Variants in GLYAT observed in about 807,000 individuals in gnomAD.
GLYAT encodes the protein glycine-N-acyltransferase, also known as glycine N-acyltransferase.
A neutral mutation model predicts 22.8 loss-of-function variants in GLYAT; 25 were observed. The ratio of observed to expected loss-of-function variants is 1.09; its 90% CI spans 0.80 to 1.53. The LOEUF (loss-of-function observed/expected upper bound fraction) is 1.53, where lower values mean the gene tolerates loss of function less well. Among genes scored for constraint, GLYAT ranks in the 40% most tolerant of loss-of-function variants. The probability of loss-of-function intolerance (pLI) is 0.00; values close to 1 mark genes in which losing one functional copy is unlikely to be tolerated. For missense variants in GLYAT, 411 were observed against 353.9 expected (o/e 1.16, Z -1.29); for synonymous variants, 140 against 122.7 (o/e 1.14, Z -0.93).
At chr11:58,713,597 C>A (rs1856643201) in intron 3 of GLYAT, among the ~76,000 whole-genome samples, 1 of 152,084 alleles carries the variant, frequency 6.6e-6, no homozygotes, top group South Asian at 2.1e-4. Context: ...GTTGGTTAAA[C>A]CAGTTGCAGT....
At position 58,710,726 on chromosome 11, in the gene GLYAT, G is replaced by A. The variant is rs780192904; in HGVS notation, c.352C>T (p.Leu118Phe). The A allele has an allele frequency of 1.2e-6, 2 of 1,612,048 alleles. No individual in the cohort carries two copies. Among genetic ancestry groups the A allele is most frequent in the Non-Finnish European group, 1.7e-6 (2 of 1,178,158 alleles). ...ACTTTGAAGGACTTAATGGCTGCAAGATTTTGTATAGCCTCATTCAGGCTA... is the reference window on the plus strand; with the variant it reads ...ACTTTGAAGGACTTAATGGCTGCAAAATTTTGTATAGCCTCATTCAGGCTA... The part of the protein sequence containing the change: ...QPSLNEAIQN[L>F]AAIKSFKVKQ... Residue 118 changes from leucine (L) to phenylalanine (F), a missense_variant, in exon 5 of 6, where the codon CTT becomes TTT. Coordinates refer to ENST00000344743, the MANE Select transcript of GLYAT (RefSeq NM_201648.3).
At chr11:58,714,157 T>C (rs1406870933) in intron 3 of GLYAT, among the ~76,000 whole-genome samples, 1 of 151,914 alleles carries the variant, frequency 6.6e-6, no homozygotes, top group South Asian at 2.1e-4. Context: ...GCAGGTAAGG[T>C]GGGGGAAAGT....
At chr11:58,726,124 A>T (rs1856809450) in intron 1 of GLYAT, among the ~76,000 whole-genome samples, 1 of 151,714 alleles carries the variant, frequency 6.6e-6, no homozygotes, top group Non-Finnish European at 1.5e-5. Flanking sequence ...GTGACCAATT[A>T]TTATTTTAGA....
intron 2 of GLYAT, among the ~76,000 whole-genome samples, chr11:58,718,242 T>A (rs1217802062): frequency 6.6e-6 from 1 of 152,076 alleles, no homozygotes; most frequent in Non-Finnish European, 1.5e-5. Flanking sequence ...TTAAGAATAC[T>A]CACAATTTCC....
chr11:58,719,884 T>G (rs1486944437), intron 2 of GLYAT, among the ~76,000 whole-genome samples: 1 of 152,036 alleles, frequency 6.6e-6, no homozygotes, highest in African/African-American at 2.4e-5. Flanking sequence ...CATATAAACT[T>G]TTTAAATATA....
At chr11:58,713,545 G>A (rs1856642312) in intron 3 of GLYAT, among the ~76,000 whole-genome samples, 1 of 152,072 alleles carries the variant, frequency 6.6e-6, no homozygotes, top group Non-Finnish European at 1.5e-5. Context: ...TGATACCAAA[G>A]AAGATTAAAA....
At position 58,724,244 on chromosome 11, in the gene GLYAT, G is replaced by A. The variant is rs1856787033; in HGVS notation, c.81+172C>T. 1.0e-5 allele frequency: 5 copies of A among 483,486 alleles called. No individual in the cohort carries two copies. The South Asian group carries it at 1.2e-4, about 12-fold the overall frequency. 29.9% of individuals were successfully genotyped at this position (483,486 alleles called of 1,614,324 possible). A position where few individuals can be genotyped will look rare whatever the true frequency, so the allele number is the denominator to read the frequency against. On this transcript the variant is annotated intron_variant, in intron 2 of 5. Coordinates refer to ENST00000344743, the MANE Select transcript of GLYAT (RefSeq NM_201648.3). ...TAACTGAGTCTTCATTTTCTTAACA[G>A]CAACATGGACATGACAGTAAACATC...
Position 58,715,305 on chromosome 11 carries a change from T to A in GLYAT, c.189+11A>T. ...ATAAATATAGAAGAATATTCACACA[T>A]GGAAACTTACCTGCTCCTGAGGGCA... is the stretch of plus-strand genomic sequence containing the variant. On this transcript the variant is annotated intron_variant, in intron 3 of 5. Coordinates refer to ENST00000344743, the MANE Select transcript of GLYAT (RefSeq NM_201648.3). 8.1e-7 allele frequency: 1 copy of A among 1,233,220 alleles called. No individual in the cohort carries two copies. Among genetic ancestry groups the A allele is most frequent in the Non-Finnish European group, 1.2e-6 (1 of 834,894 alleles). 76.4% of individuals were successfully genotyped at this position (1,233,220 alleles called of 1,614,324 possible).
intron 2 of GLYAT, among the ~76,000 whole-genome samples, chr11:58,719,562 A>G (rs957120758): frequency 6.6e-6 from 1 of 151,848 alleles, no homozygotes; most frequent in African/African-American, 2.4e-5. Flanking sequence ...TACATGCCCA[A>G]CTCCTCCATG....
intron 2 of GLYAT, among the ~76,000 whole-genome samples, chr11:58,721,883 T>C (rs1181052467): frequency 6.6e-6 from 1 of 151,948 alleles, no homozygotes; most frequent in Non-Finnish European, 1.5e-5. Flanking sequence ...TCCTTTCAAT[T>C]TGTCCAAGAA....
At position 58,709,491 on chromosome 11, in the gene GLYAT, T is replaced by A; in HGVS notation, c.*275A>T. On this transcript the variant is annotated 3_prime_UTR_variant, in exon 6 of 6. Transcript: ENST00000344743. Reference sequence around the variant, plus strand: ...TTCCAGGAGAAGTAATTTGGAGCAATATGTATCTGATGAAGTGTCATAGAG... The same window carrying A: ...TTCCAGGAGAAGTAATTTGGAGCAAAATGTATCTGATGAAGTGTCATAGAG... The A allele has an allele frequency of 3.3e-6, 1 of 302,036 alleles. No homozygotes were observed. Among genetic ancestry groups the A allele is most frequent in the South Asian group, 1.1e-4 (1 of 9,052 alleles). 18.7% of individuals were successfully genotyped at this position (302,036 alleles called of 1,614,324 possible).
intron 2 of GLYAT, among the ~76,000 whole-genome samples, chr11:58,719,081 AG>A (rs1369477608): frequency 6.6e-6 from 1 of 152,034 alleles, no homozygotes; most frequent in Non-Finnish European, 1.5e-5. Flanking sequence ...ACTGTCTTAA[AG>A]AATTAATCAG....
At chr11:58,721,251 C>T (rs989375634) in intron 2 of GLYAT, among the ~76,000 whole-genome samples, 1 of 151,510 alleles carries the variant, frequency 6.6e-6, no homozygotes, top group African/African-American at 2.4e-5. Flanking sequence ...TTAAAGGAAA[C>T]AACTCAGGTG....
At position 58,710,686 on chromosome 11, in the gene GLYAT, C is replaced by T. The variant is rs117149346; in HGVS notation, c.392G>A (p.Arg131His). ...TGTTTCAGCTGCCATATAGAGAATG[C>T]GTTGTGTTTGTTTGACTTTGAAGGA... ...IKSFKVKQTQ[R>H]ILYMAAETAK... Residue 131 changes from arginine (R) to histidine (H), a missense_variant, in exon 5 of 6, where the codon CGC becomes CAC. Coordinates refer to ENST00000344743, the MANE Select transcript of GLYAT (RefSeq NM_201648.3). 6.7e-4 allele frequency: 1,073 copies of T among 1,613,038 alleles called. 12 individuals are homozygous for T. In the East Asian group the frequency reaches 0.021, roughly 32 times the overall value.
Position 58,709,712 on chromosome 11 carries a change from C to T in GLYAT, c.*54G>A. On this transcript the variant is annotated 3_prime_UTR_variant, in exon 6 of 6. Coordinates refer to ENST00000344743, the MANE Select transcript of GLYAT (RefSeq NM_201648.3). Reference sequence around the variant, plus strand: ...TATTTCTTTTCATCCACCATCCACTCCTCAAATTATACGCCCAGACCTGCC... The same window carrying T: ...TATTTCTTTTCATCCACCATCCACTTCTCAAATTATACGCCCAGACCTGCC... 6.5e-7 allele frequency: 1 copy of T among 1,534,702 alleles called. No individual in the cohort carries two copies. Among genetic ancestry groups the T allele is most frequent in the Non-Finnish European group, 8.8e-7 (1 of 1,137,948 alleles).
chr11:58,728,109 C>A (rs1188773807), intron 1 of GLYAT, among the ~76,000 whole-genome samples: 3 of 135,842 alleles, frequency 2.2e-5, no homozygotes, highest in African/African-American at 8.3e-5. Flanking sequence ...GTCACCCACA[C>A]TGGAGTGCAG....
At position 58,710,000 on chromosome 11, in the gene GLYAT, C is replaced by A. The variant is rs1248750210; in HGVS notation, c.657G>T (p.Trp219Cys). 1.2e-6 allele frequency: 2 copies of A among 1,614,098 alleles called. No individual in the cohort carries two copies. The highest frequency in any genetic ancestry group is 8.5e-7 in the Non-Finnish European group (1 of 1,179,976). The stretch of plus-strand genomic sequence containing the variant: ...TCTCTCCAGTCTGGTCCATTAGATC[C>A]CAGCACACAGGGGTCCCCTCAGGCC... ...LLGPEGTPVC[W>C]DLMDQTGEMR... Residue 219 changes from tryptophan to cysteine, a missense_variant, in exon 6 of 6, where the codon TGG becomes TGT. Trp to Cys is a radical substitution (Grantham distance 215). Transcript: ENST00000344743.
chr11:58,720,094 A>T (rs959387639), intron 2 of GLYAT, among the ~76,000 whole-genome samples: 1 of 151,886 alleles, frequency 6.6e-6, no homozygotes, highest in African/African-American at 2.4e-5. Flanking sequence ...TAGCTTTTTC[A>T]TATCTTTTTT....
At chr11:58,717,351 A>G (rs1234151637) in intron 2 of GLYAT, among the ~76,000 whole-genome samples, 1 of 152,122 alleles carries the variant, frequency 6.6e-6, no homozygotes, top group East Asian at 1.9e-4. Flanking sequence ...AAAAACAACA[A>G]CAAACAAAAG....
Sources: gnomAD v4.1 joint callset for allele counts (sites outside exome capture counted in the v4.1 genomes callset) on GRCh38, gnomAD v4.1.1 for gene constraint, MANE v1.5 for transcripts, NCBI Gene and HGNC (gene_info 2026-07-23, HGNC 2026-07-21) for gene names.